Variants in CADM2 observed in about 807,000 individuals in gnomAD.
CADM2 encodes the protein immunoglobulin superfamily member 4D.
A neutral mutation model predicts 49.8 loss-of-function variants in CADM2; 12 were observed. That is an observed-to-expected ratio of 0.24 (90% CI 0.15 to 0.39). CADM2 has a LOEUF of 0.39. Ranked by LOEUF, CADM2 falls within the 10% of genes least tolerant of loss-of-function variation. The pLI, the probability that CADM2 is intolerant of heterozygous loss-of-function variation, is 1.00. For missense variants in CADM2, 378 were observed against 492.3 expected, an observed-to-expected ratio of 0.77 and a Z score of 2.20; for synonymous variants, 214 against 175.4, an observed-to-expected ratio of 1.22 and a Z score of -1.74.
chr3:86,042,861 C>T (rs1387841542), intron 8 of CADM2, among the ~76,000 whole-genome samples: 2 of 152,156 alleles, frequency 1.3e-5, no homozygotes, highest in Non-Finnish European at 2.9e-5. Context: ...TCCAGCAGCA[C>T]ATCAAAAAGC....
chr3:85,399,277 T>A (rs890743884), intron 1 of CADM2, among the ~76,000 whole-genome samples: 1 of 152,178 alleles, frequency 6.6e-6, no homozygotes, highest in Non-Finnish European at 1.5e-5. Context: ...TTTGTCAGGT[T>A]TGTCAAAGAG....
At chr3:85,185,059 T>G (rs112454903) in intron 1 of CADM2, among the ~76,000 whole-genome samples, 3 of 152,078 alleles carry the variant, frequency 2.0e-5, no homozygotes, top group Non-Finnish European at 2.9e-5. Context: ...AGCTCCAAGA[T>G]AGATGACAGA....
intron 1 of CADM2, among the ~76,000 whole-genome samples, chr3:85,718,745 A>T (rs2067388446): frequency 6.6e-6 from 1 of 151,814 alleles, no homozygotes; most frequent in Non-Finnish European, 1.5e-5. Flanking sequence ...TAAAGTGAGA[A>T]AACAGGGAAA....
intron 2 of CADM2, among the ~76,000 whole-genome samples, chr3:85,737,725 G>GT (rs1313161135): frequency 1.3e-5 from 2 of 151,480 alleles, no homozygotes; most frequent in African/African-American, 2.4e-5. Context: ...GCCTGGCTAA[G>GT]TTTTTTGTAT....
Position 86,072,407 on chromosome 3 carries a change from C to G in CADM2, c.*5624C>G, listed in dbSNP as rs1353563694. On this transcript the variant is annotated 3_prime_UTR_variant, in exon 10 of 10. Coordinates refer to ENST00000383699, the MANE Select transcript of CADM2 (RefSeq NM_001167675.2). ...AAATGTGAAAAAGATATAAAAAAAA[C>G]AAAAAAAACAAAAAAAAAACACTAT... The G allele has an allele frequency of 1.4e-5, 2 of 143,220 alleles. No homozygotes were observed. Among genetic ancestry groups the G allele is most frequent in the Non-Finnish European group, 1.5e-5 (1 of 64,932 alleles). The allele number at this position is 143,220 out of a possible 1,614,324, so 8.9% of individuals were successfully genotyped here.
At chr3:85,904,288 G>A (rs966718224) in intron 5 of CADM2, among the ~76,000 whole-genome samples, 3 of 152,112 alleles carry the variant, frequency 2.0e-5, no homozygotes, top group South Asian at 2.1e-4. Context: ...ATATGAGCAG[G>A]GACTGGGTGA....
intron 1 of CADM2, among the ~76,000 whole-genome samples, chr3:84,973,594 G>A (rs2031613961): frequency 1.3e-5 from 2 of 152,118 alleles, no homozygotes. Context: ...GGTCAGCAGA[G>A]GGAATGTAGG....
chr3:85,465,201 T>A (rs2038437884), intron 1 of CADM2, among the ~76,000 whole-genome samples: 1 of 152,020 alleles, frequency 6.6e-6, no homozygotes. Context: ...ACAAAAAACA[T>A]ACTTTTGTGT....
intron 1 of CADM2, among the ~76,000 whole-genome samples, chr3:85,325,914 A>C (rs2044739158): frequency 6.6e-6 from 1 of 152,210 alleles, no homozygotes; most frequent in African/African-American, 2.4e-5. Flanking sequence ...CAAGCGACTT[A>C]CATCTTCTCA....
chr3:85,411,947 C>A (rs1250643841), intron 1 of CADM2, among the ~76,000 whole-genome samples: 1 of 152,138 alleles, frequency 6.6e-6, no homozygotes, highest in East Asian at 1.9e-4. Context: ...TCTGCCTCAA[C>A]CTCCCAAGTC....
rs2030225637 is a variant in CADM2, at chr3:84,959,466, G to A, written c.-142G>A. On this transcript the variant is annotated 5_prime_UTR_variant, in exon 1 of 10. Transcript: ENST00000383699. ...CTGCTGCCGCCGATCCGAGTCCGCG[G>A]GTTCGAACACCGCAGCGGTGGGGAC... 7 of 731,948 alleles carry A rather than the reference G, an allele frequency of 9.6e-6. No homozygotes were observed. Among genetic ancestry groups the A allele is most frequent in the Non-Finnish European group, 1.1e-5 (5 of 451,446 alleles). The allele number at this position is 731,948 out of a possible 1,614,324, so 45.3% of individuals were successfully genotyped here.
intron 1 of CADM2, among the ~76,000 whole-genome samples, chr3:85,117,251 AT>A (rs11318447): frequency 0.62 from 93,041 of 150,908 alleles, 29,617 homozygotes; most frequent in African/African-American, 0.69. Context: ...AAATTTTATG[AT>A]TTTTTTTTTC....
At chr3:86,050,667 A>C (rs1737225318) in intron 8 of CADM2, among the ~76,000 whole-genome samples, 1 of 152,164 alleles carries the variant, frequency 6.6e-6, no homozygotes, top group Non-Finnish European at 1.5e-5. Context: ...CCCTCTGTGC[A>C]CCTACAGGCT....
intron 8 of CADM2, among the ~76,000 whole-genome samples, chr3:86,055,675 C>T (rs79304878): frequency 0.012 from 1,831 of 152,072 alleles, 39 homozygotes; most frequent in African/African-American, 0.042. Context: ...GAAGGAATAA[C>T]TCTCACGACC....
At chr3:85,415,716 T>A (rs1233023909) in intron 1 of CADM2, among the ~76,000 whole-genome samples, 1 of 152,138 alleles carries the variant, frequency 6.6e-6, no homozygotes, top group East Asian at 1.9e-4. Context: ...ACTATGTACT[T>A]CAAACAAAAT....
intron 1 of CADM2, among the ~76,000 whole-genome samples, chr3:85,467,898 T>C (rs1410965475): frequency 1.3e-5 from 2 of 152,254 alleles, no homozygotes; most frequent in Non-Finnish European, 2.9e-5. Flanking sequence ...GCAGCGCCTG[T>C]AATCCCAGCA....
intron 1 of CADM2, among the ~76,000 whole-genome samples, chr3:84,973,379 A>G (rs546572730): frequency 1.6e-4 from 25 of 152,294 alleles, no homozygotes; most frequent in Non-Finnish European, 3.2e-4. Context: ...AAGGTTAAAG[A>G]GCTCTCATTT....
intron 1 of CADM2, among the ~76,000 whole-genome samples, chr3:85,311,556 T>C (rs1351106352): frequency 6.6e-6 from 1 of 151,806 alleles, no homozygotes; most frequent in Non-Finnish European, 1.5e-5. Flanking sequence ...TGTATTTTGT[T>C]TAGTAGAAAC....
chr3:85,736,934 C>T (rs1010724521), intron 2 of CADM2, among the ~76,000 whole-genome samples: 1 of 152,024 alleles, frequency 6.6e-6, no homozygotes, highest in Non-Finnish European at 1.5e-5. Context: ...GGCAGATTCA[C>T]GAGAATAGAA....
Sources: gnomAD v4.1 joint callset for allele counts (sites outside exome capture counted in the v4.1 genomes callset) on GRCh38, gnomAD v4.1.1 for gene constraint, MANE v1.5 for transcripts, NCBI Gene and HGNC (gene_info 2026-07-23, HGNC 2026-07-21) for gene names.